SH3RF1: variants seen among roughly 807,000 people sequenced by gnomAD.
SH3RF1 encodes E3 ubiquitin-protein ligase SH3RF1.
A neutral mutation model predicts 74.0 loss-of-function variants in SH3RF1; 32 were observed. The observed-to-expected ratio is 0.43, with a 90% confidence interval of 0.33 to 0.58. SH3RF1 has a LOEUF of 0.58. Ranked by LOEUF, SH3RF1 falls within the 20% of genes least tolerant of loss-of-function variation. The pLI is 0.05. For synonymous variants in SH3RF1, 396 were observed against 439.6 expected (o/e 0.90, Z 1.24); for missense variants, 954 against 1,130.9 (o/e 0.84, Z 2.24).
rs1194893391 is a variant in SH3RF1 at position 169,146,158 on chromosome 4, TA to T, written c.765+9321del. 3.0e-3 allele frequency among the ~76,000 whole-genome samples: 422 copies of T among 141,148 alleles called. 3 individuals are homozygous for T. Among genetic ancestry groups the T allele is most frequent in the Middle Eastern group, 7.2e-3 (2 of 278 alleles). 92.6% of individuals were successfully genotyped at this position (141,148 alleles called of 152,430 possible). A position where few individuals can be genotyped will look rare whatever the true frequency, so the allele number is the denominator to read the frequency against. On this transcript the variant is annotated intron_variant, in intron 4 of 11. Transcript: ENST00000284637. ...ATATATCTATATATTCTATATAAAA[TA>T]TTATATATCTATATATTATATATTC... is the stretch of plus-strand genomic sequence containing the variant.
chr4:169,260,619 T>C (rs1430450347), intron 2 of SH3RF1, among the ~76,000 whole-genome samples: 1 of 152,164 alleles, frequency 6.6e-6, no homozygotes, highest in African/African-American at 2.4e-5. Flanking sequence ...TTCCTCCCTT[T>C]CCCTCGGATT....
intron 2 of SH3RF1, among the ~76,000 whole-genome samples, chr4:169,202,839 G>A (rs1375125246): frequency 6.6e-6 from 1 of 152,150 alleles, no homozygotes; most frequent in African/African-American, 2.4e-5. Flanking sequence ...CATTATAAAT[G>A]TTGAGGTGGT....
Position 169,096,700 on chromosome 4 carries a change from G to C in SH3RF1, c.2499-13C>G. ...CACCACCCTGTGCCTAGAAAAGAAA[G>C]AGATTTTGGTTAAGGCGATTCAAAG... On this transcript the variant is annotated splice_polypyrimidine_tract_variant and intron_variant, in intron 11 of 11. Transcript: ENST00000284637. 2 of 1,602,380 alleles carry C rather than the reference G, an allele frequency of 1.2e-6. No individual in the cohort carries two copies. The highest frequency in any genetic ancestry group is 1.7e-6 in the Non-Finnish European group (2 of 1,176,104).
chr4:169,264,612 C>T (rs755821135), intron 2 of SH3RF1, among the ~76,000 whole-genome samples: 19 of 152,156 alleles, frequency 1.2e-4, no homozygotes, highest in Admixed American at 3.3e-4. Context: ...CTTTCTTTCC[C>T]GATCTCTCCA....
chr4:169,162,786 C>G (rs1057076769), intron 2 of SH3RF1, among the ~76,000 whole-genome samples: 1 of 152,206 alleles, frequency 6.6e-6, no homozygotes, highest in Non-Finnish European at 1.5e-5. Context: ...AGCCAGCCCC[C>G]CTCCTTATTC....
intron 4 of SH3RF1, among the ~76,000 whole-genome samples, chr4:169,149,060 T>C (rs1183159168): frequency 6.6e-6 from 1 of 152,210 alleles, no homozygotes. Context: ...TTTTATGTTC[T>C]ATGAAACTAC....
intron 11 of SH3RF1, among the ~76,000 whole-genome samples, chr4:169,099,903 C>T (rs1477614782): frequency 6.6e-6 from 1 of 152,062 alleles, no homozygotes; most frequent in Non-Finnish European, 1.5e-5. Flanking sequence ...CAGTCTTGAT[C>T]GTATGAAGAC....
chr4:169,255,566 T>A (rs1205032569), intron 2 of SH3RF1, among the ~76,000 whole-genome samples: 1 of 145,402 alleles, frequency 6.9e-6, no homozygotes, highest in Admixed American at 7.0e-5. Flanking sequence ...CACAAAGGAA[T>A]AAAACACTAC....
chr4:169,142,703 T>A, intron 4 of SH3RF1, among the ~76,000 whole-genome samples: 1 of 152,234 alleles, frequency 6.6e-6, no homozygotes, highest in Non-Finnish European at 1.5e-5. Context: ...AGTCCAATGT[T>A]CCTTCCCCAG....
chr4:169,250,347 T>C (rs1173879893), intron 2 of SH3RF1, among the ~76,000 whole-genome samples: 1 of 152,128 alleles, frequency 6.6e-6, no homozygotes, highest in Non-Finnish European at 1.5e-5. Flanking sequence ...GGCAAGATTA[T>C]TTTTTAAATC....
chr4:169,102,416 T>C (rs1424187543), intron 11 of SH3RF1, among the ~76,000 whole-genome samples: 1 of 152,106 alleles, frequency 6.6e-6, no homozygotes, highest in Non-Finnish European at 1.5e-5. Flanking sequence ...TCCCCCAATT[T>C]AGGAGATGAG....
At chr4:169,151,294 G>C (rs1733972076) in intron 4 of SH3RF1, among the ~76,000 whole-genome samples, 1 of 152,068 alleles carries the variant, frequency 6.6e-6, no homozygotes. Context: ...AGAGAAAAAA[G>C]GGTTAATAAT....
At chr4:169,109,674 T>C (rs1035861438) in intron 10 of SH3RF1, among the ~76,000 whole-genome samples, 2 of 149,808 alleles carry the variant, frequency 1.3e-5, no homozygotes, top group Non-Finnish European at 3.0e-5. Flanking sequence ...CATTATTTTT[T>C]CAAAAACCAA....
At chr4:169,193,814 C>T (rs1420821726) in intron 2 of SH3RF1, among the ~76,000 whole-genome samples, 1 of 152,168 alleles carries the variant, frequency 6.6e-6, no homozygotes, top group African/African-American at 2.4e-5. Flanking sequence ...ATAGAGTCTA[C>T]GAGCCTTGGG....
At chr4:169,199,412 G>A (rs1734872011) in intron 2 of SH3RF1, among the ~76,000 whole-genome samples, 1 of 152,246 alleles carries the variant, frequency 6.6e-6, no homozygotes, top group African/African-American at 2.4e-5. Context: ...CCATCTTGTG[G>A]CTTCACCAAC....
intron 2 of SH3RF1, among the ~76,000 whole-genome samples, chr4:169,200,587 T>C (rs1734892215): frequency 6.6e-6 from 1 of 152,126 alleles, no homozygotes; most frequent in Non-Finnish European, 1.5e-5. Context: ...AAAAAACAAG[T>C]TTCATAACTT....
chr4:169,094,619 GAAT>G lies in SH3RF1; in HGVS notation c.*1897_*1899del, dbSNP rs1302824720. 2.0e-5 allele frequency: 3 copies of G among 152,082 alleles called. No individual in the cohort carries two copies. The highest frequency in any genetic ancestry group is 7.3e-5 in the African/African-American group (3 of 41,374). 9.4% of individuals were successfully genotyped at this position (152,082 alleles called of 1,614,324 possible). On this transcript the variant is annotated 3_prime_UTR_variant, in exon 12 of 12. Coordinates refer to ENST00000284637, the MANE Select transcript of SH3RF1 (RefSeq NM_020870.4). ...AAATACACTAATTTCCCAAAATAAA[GAAT>G]ATTATGACACATTGGTGTCAACTTA...
intron 8 of SH3RF1, among the ~76,000 whole-genome samples, chr4:169,118,823 G>A (rs918892801): frequency 1.3e-5 from 2 of 152,042 alleles, no homozygotes; most frequent in Admixed American, 6.6e-5. Flanking sequence ...TTGAAAGCAG[G>A]GCCAGTGTGA....
chr4:169,252,187 C>T (rs1244178100), intron 2 of SH3RF1, among the ~76,000 whole-genome samples: 1 of 152,212 alleles, frequency 6.6e-6, no homozygotes, highest in Non-Finnish European at 1.5e-5. Flanking sequence ...TCTATCACAG[C>T]TTACTTTTTC....
Sources: allele counts gnomAD v4.1 joint callset (sites outside exome capture counted in the v4.1 genomes callset), GRCh38; gene constraint gnomAD v4.1.1; transcripts MANE v1.5; gene names NCBI Gene and HGNC (gene_info 2026-07-23, HGNC 2026-07-21).